Variants in PIWIL3 observed in about 807,000 individuals in gnomAD.
PIWIL3 encodes piwi-like protein 3.
Under a neutral mutation model 109.7 loss-of-function variants are expected in PIWIL3, and 101 were observed. The observed-to-expected ratio is 0.92, with a 90% confidence interval of 0.78 to 1.09. The LOEUF is 1.09. Ranked by LOEUF, PIWIL3 falls within the 50% of genes least tolerant of loss-of-function variation. PIWIL3 has a pLI of 0.00. For synonymous variants in PIWIL3, 373 were observed against 376.4 expected (o/e 0.99, Z 0.10); for missense variants, 1,031 against 1,072.6 (o/e 0.96, Z 0.54).
rs140558842 is a variant in PIWIL3 at position 24,724,370 on chromosome 22, C to G, written c.2231+517G>C. Among the ~76,000 whole-genome samples, 826 of 152,116 alleles carry G rather than the reference C, an allele frequency of 5.4e-3. 7 individuals are homozygous for G. Among genetic ancestry groups the G allele is most frequent in the African/African-American group, 0.018 (755 of 41,492 alleles). ...CAGTGCTCCTAGGCTCAAGTGACCTCCCCACCTCAGCTTTCTGAGTAGCTG... is the reference window on the plus strand; with the variant it reads ...CAGTGCTCCTAGGCTCAAGTGACCTGCCCACCTCAGCTTTCTGAGTAGCTG... On this transcript the variant is annotated intron_variant, in intron 18 of 20. Transcript: ENST00000616349.
chr22:24,759,390 A>G (rs1212696543), intron 3 of PIWIL3, among the ~76,000 whole-genome samples: 1 of 152,258 alleles, frequency 6.6e-6, no homozygotes, highest in Non-Finnish European at 1.5e-5. Flanking sequence ...GAAAGCAAAG[A>G]GGAGAATCCA....
intron 12 of PIWIL3, among the ~76,000 whole-genome samples, chr22:24,746,425 TA>T (rs1924372453): frequency 6.6e-6 from 1 of 151,572 alleles, no homozygotes; most frequent in South Asian, 2.1e-4. Context: ...TATTTCAACA[TA>T]ATAAAAGCCA....
At chr22:24,734,057 T>C (rs140380926) in intron 14 of PIWIL3, 27 bp downstream of exon 14, 112 of 1,589,820 alleles carry the variant, frequency 7.0e-5, no homozygotes, top group Non-Finnish European at 8.8e-5. Context: ...AACTAAAAGA[T>C]TGTACATGTA....
intron 16 of PIWIL3, 78 bp downstream of exon 16, chr22:24,727,872 A>G (rs1160450929): frequency 8.7e-7 from 1 of 1,148,400 alleles, no homozygotes; most frequent in Non-Finnish European, 1.3e-6. Context: ...TTGAGTTAAC[A>G]CATATTAATT....
At chr22:24,727,819 A>G (rs1189050027) in intron 16 of PIWIL3, 131 bp downstream of exon 16, 1 of 721,108 alleles carries the variant, frequency 1.4e-6, no homozygotes, top group East Asian at 2.7e-5. Context: ...AAATCAGGAG[A>G]CTACATGATT....
At chr22:24,752,701 G>C (rs768906914) in intron 8 of PIWIL3, among the ~76,000 whole-genome samples, 14 of 152,028 alleles carry the variant, frequency 9.2e-5, no homozygotes, top group Admixed American at 2.6e-4. Context: ...CCTCAAACGA[G>C]GCCACTTCAG....
intron 10 of PIWIL3, 35 bp from the exon 11 acceptor site, chr22:24,749,556 C>A: frequency 6.2e-7 from 1 of 1,611,808 alleles, no homozygotes; most frequent in Non-Finnish European, 8.5e-7. Context: ...GCTGAACAAG[C>A]ATGAATTTGA....
chr22:24,725,306 C>T, intron 17 of PIWIL3, 139 bp downstream of exon 17: 1 of 1,060,854 alleles, frequency 9.4e-7, no homozygotes, highest in Non-Finnish European at 1.4e-6. Flanking sequence ...AGACTCAATG[C>T]CAGTAGCACC....
At chr22:24,727,908 C>T (rs1257419039) in intron 16 of PIWIL3, 42 bp downstream of exon 16, 1 of 1,486,374 alleles carries the variant, frequency 6.7e-7, no homozygotes, top group African/African-American at 1.4e-5. Context: ...ATTTGGTCCA[C>T]AGTCAGCTAC....
chr22:24,764,567 C>A (rs1392997099), intron 1 of PIWIL3, among the ~76,000 whole-genome samples: 1 of 151,092 alleles, frequency 6.6e-6, no homozygotes, highest in Admixed American at 6.6e-5. Flanking sequence ...AACCTTGTCT[C>A]TTGTATCTGC....
Position 24,719,828 on chromosome 22 carries a change from T to C in PIWIL3, c.2425A>G (p.Ile809Val). The change falls in exon 20 of 21, where the codon ATC becomes GTC. Residue 809 changes from isoleucine (I) to valine (V), a missense_variant. Transcript: ENST00000616349. ...GTVTPTHYNV[I>V]YDTIGLSPDT... is the part of the protein sequence containing the mutation. ...GGGCTCAAGCCAATCGTGTCATAGA[T>C]GACGTTATAATGAGTGGGGGTAACA... The C allele has an allele frequency of 1.2e-6, 2 of 1,611,042 alleles. No homozygotes were observed. Among genetic ancestry groups the C allele is most frequent in the Non-Finnish European group, 1.7e-6 (2 of 1,177,154 alleles).
chr22:24,719,864 GCA>G lies in PIWIL3; in HGVS notation c.2387_2388del (p.Val796AlafsTer11), dbSNP rs754534538. ...TGAGTGGGGGTAACAGTCCCATCTTGCACAGACTGACTCACAATAAAAAAGTC... is the reference window on the plus strand; with the variant it reads ...TGAGTGGGGGTAACAGTCCCATCTTGCAGACTGACTCACAATAAAAAAGTC... ...WYDFFIVSQS[V>X]QDGTVTPTHY... On this transcript the variant is annotated frameshift_variant, in exon 20 of 21. Coordinates refer to ENST00000616349, the MANE Select transcript of PIWIL3 (RefSeq NM_001255975.1). LOFTEE classifies it high-confidence loss of function. The G allele has an allele frequency of 1.2e-6, 2 of 1,611,542 alleles. No individual in the cohort carries two copies. The highest frequency in any genetic ancestry group is 2.2e-5 in the South Asian group (2 of 90,708).
intron 7 of PIWIL3, 40 bp downstream of exon 7, chr22:24,754,744 T>G (rs766940315): frequency 6.8e-7 from 1 of 1,474,464 alleles, no homozygotes; most frequent in Non-Finnish European, 9.5e-7. Flanking sequence ...AATCCTACGT[T>G]TAAGTCTGCA....
intron 12 of PIWIL3, among the ~76,000 whole-genome samples, chr22:24,744,197 A>AAC (rs1555911725): frequency 2.0e-5 from 3 of 148,384 alleles, no homozygotes; most frequent in Non-Finnish European, 3.0e-5. Flanking sequence ...AAAAAAAAAA[A>AAC]AAAAAAAAAA....
rs1924180538 is a variant in PIWIL3, at chr22:24,744,178, T to TTAAAAAAAAAAAAAAAAAAA, written c.1449+4728_1449+4729insTTTTTTTTTTTTTTTTTTTA. Among the ~76,000 whole-genome samples the TTAAAAAAAAAAAAAAAAAAA allele has an allele frequency of 4.1e-3, 141 of 34,318 alleles. 50 individuals are homozygous for TTAAAAAAAAAAAAAAAAAAA. The highest frequency in any genetic ancestry group is 8.4e-3 in the East Asian group (5 of 598). The allele number at this position is 34,318 out of a possible 152,430, so 22.5% of individuals were successfully genotyped here. A position where few individuals can be genotyped will look rare whatever the true frequency, so the allele number is the denominator to read the frequency against. ...ACTCTAATTGAAAGAGTGACCGAAT[T>TTAAAAAAAAAAAAAAAAAAA]AAAAAAAAAAAAAAAAAAAAAAAAA... On this transcript the variant is annotated intron_variant, in intron 12 of 20. Transcript: ENST00000616349.
intron 12 of PIWIL3, among the ~76,000 whole-genome samples, chr22:24,743,490 T>C (rs527411359): frequency 2.0e-5 from 3 of 152,338 alleles, no homozygotes; most frequent in South Asian, 2.1e-4. Flanking sequence ...ATTCATACCA[T>C]GGAATACTAC....
At chr22:24,764,448 A>C (rs1925662467) in intron 1 of PIWIL3, among the ~76,000 whole-genome samples, 1 of 152,220 alleles carries the variant, frequency 6.6e-6, no homozygotes, top group Non-Finnish European at 1.5e-5. Flanking sequence ...CCGTCCTTGG[A>C]TTCAAACCTA....
At chr22:24,728,850 A>G (rs751772815) in intron 14 of PIWIL3, among the ~76,000 whole-genome samples, 7 of 152,216 alleles carry the variant, frequency 4.6e-5, no homozygotes, top group Non-Finnish European at 5.9e-5. Context: ...GAAGGATACA[A>G]TGATCAGGAC....
At chr22:24,759,124 C>T (rs1204160767) in intron 3 of PIWIL3, among the ~76,000 whole-genome samples, 1 of 152,170 alleles carries the variant, frequency 6.6e-6, no homozygotes, top group Non-Finnish European at 1.5e-5. Context: ...GAACTTCTGG[C>T]CTCAAGTGAT....
Sources: gnomAD v4.1 joint callset for allele counts (sites outside exome capture counted in the v4.1 genomes callset) on GRCh38, gnomAD v4.1.1 for gene constraint, MANE v1.5 for transcripts, NCBI Gene and HGNC (gene_info 2026-07-23, HGNC 2026-07-21) for gene names.